NXN: variants seen among roughly 807,000 people sequenced by gnomAD.
NXN encodes the protein nucleoredoxin.
NXN carries 16 observed loss-of-function variants against 48.6 expected under a neutral mutation model. That is an observed-to-expected ratio of 0.33 (90% CI 0.22 to 0.50). The LOEUF is 0.50. NXN is among the 20% of genes least tolerant of loss of function. The pLI, the probability that NXN is intolerant of heterozygous loss-of-function variation, is 0.98. For synonymous variants in NXN, 281 were observed against 269.6 expected (o/e 1.04, Z -0.41); for missense variants, 492 against 605.5 (o/e 0.81, Z 1.97).
rs1285768484 is a variant in NXN, at chr17:978,297, C to G, written c.360+1022G>C. On this transcript the variant is annotated intron_variant, in intron 1 of 7. Transcript: ENST00000336868. This position sits in a 1 kb window ranked among gnomAD's most constrained non-coding sequence, Gnocchi z 4.1. ...AGCGCTCCAAAACTTTTTCTGACTCCATTCATTACAAAATGTCCTGGATGT... is the reference window on the plus strand; with the variant it reads ...AGCGCTCCAAAACTTTTTCTGACTCGATTCATTACAAAATGTCCTGGATGT... 2.0e-5 allele frequency: 3 copies of G among 152,350 alleles called. No homozygotes were observed. Among genetic ancestry groups the G allele is most frequent in the African/African-American group, 7.2e-5 (3 of 41,576 alleles). 9.4% of individuals were successfully genotyped at this position (152,350 alleles called of 1,614,324 possible). A position where few individuals can be genotyped will look rare whatever the true frequency, so the allele number is the denominator to read the frequency against.
chr17:934,337 T>C (rs553272650), intron 1 of NXN, among the ~76,000 whole-genome samples: 48 of 151,242 alleles, frequency 3.2e-4, no homozygotes, highest in African/African-American at 9.9e-4. Context: ...TCCCAGCTAC[T>C]GGGGAGGCTG....
intron 7 of NXN, among the ~76,000 whole-genome samples, chr17:803,042 C>T (rs932946980): frequency 2.0e-5 from 3 of 152,168 alleles, no homozygotes; most frequent in Non-Finnish European, 4.4e-5. Context: ...GTCGCGGAGA[C>T]GCCCGTCTGC....
chr17:801,023 C>T lies in NXN; in HGVS notation c.1234G>A (p.Glu412Lys). The T allele has an allele frequency of 6.4e-7, 1 of 1,573,344 alleles. No individual in the cohort carries two copies. The highest frequency in any genetic ancestry group is 8.6e-7 in the Non-Finnish European group (1 of 1,158,392). Residue 412 changes from glutamate (E) to lysine (K), a missense_variant, in exon 8 of 8, where the codon GAG becomes AAG. Glu to Lys is a moderately conservative substitution (Grantham distance 56, BLOSUM62 1). Around this residue, in one of 3 missense-constraint regions of NXN, gnomAD observed 303 missense variants for 388.3 expected, o/e 0.78. Transcript: ENST00000336868. The part of the protein sequence containing the change: ...ARAKYVMDVE[E>K]ITPAIVEAFV... ...GCCTCCACGATGGCGGGGGTGATCT[C>T]CTCCACGTCCATCACGTACTTGGCC... is the stretch of plus-strand genomic sequence containing the variant.
At chr17:968,915 A>T (rs333638) in intron 1 of NXN, among the ~76,000 whole-genome samples, 2 of 151,712 alleles carry the variant, frequency 1.3e-5, no homozygotes, top group African/African-American at 4.9e-5. Context: ...CCAGCCTGGG[A>T]GACAGAGAGA....
chr17:947,924 G>A (rs752926667), intron 1 of NXN, among the ~76,000 whole-genome samples: 21 of 150,642 alleles, frequency 1.4e-4, no homozygotes, highest in Non-Finnish European at 2.4e-4. Flanking sequence ...GGCAGCGTGC[G>A]CCTGTACTCC....
chr17:968,321 C>T (rs1197357706), intron 1 of NXN, among the ~76,000 whole-genome samples: 2 of 152,216 alleles, frequency 1.3e-5, no homozygotes, highest in Non-Finnish European at 2.9e-5. Context: ...CCCCTGGCCT[C>T]TCCCAGCTCA....
intron 1 of NXN, among the ~76,000 whole-genome samples, chr17:934,782 G>A (rs2068891240): frequency 1.3e-5 from 2 of 151,982 alleles, no homozygotes; most frequent in Admixed American, 1.3e-4. Flanking sequence ...GCTGAGGCAG[G>A]AGAATCGCTT....
intron 5 of NXN, among the ~76,000 whole-genome samples, chr17:815,926 T>C (rs1344808670): frequency 6.6e-6 from 1 of 152,016 alleles, no homozygotes; most frequent in Non-Finnish European, 1.5e-5. Context: ...CCGGCGGGCC[T>C]TTGTTAGGGG....
intron 1 of NXN, among the ~76,000 whole-genome samples, chr17:893,565 TCC>T (rs1567852097): frequency 2.1e-4 from 29 of 139,310 alleles, no homozygotes; most frequent in Non-Finnish European, 4.1e-4. Context: ...CATCTCAACC[TCC>T]GGAAGCCAGA....
At chr17:864,187 C>T (rs2068074288) in intron 1 of NXN, 8 of 1,334,888 alleles carry the variant, frequency 6.0e-6, no homozygotes, top group South Asian at 2.5e-5. Context: ...TGCCGTTGCT[C>T]GGTTCCGGTG....
At chr17:945,612 G>A (rs1370479095) in intron 1 of NXN, among the ~76,000 whole-genome samples, 3 of 138,452 alleles carry the variant, frequency 2.2e-5, no homozygotes, top group Non-Finnish European at 4.5e-5. Flanking sequence ...GCCTGGGCGA[G>A]AGAGTGACTC....
intron 1 of NXN, among the ~76,000 whole-genome samples, chr17:853,724 T>TATATA (rs61572573): frequency 0.015 from 1,040 of 69,924 alleles, 11 homozygotes; most frequent in African/African-American, 0.067. Flanking sequence ...TATATATATA[T>TATATA]TTTTTTTTTT....
At chr17:964,279 T>C (rs2069275823) in intron 1 of NXN, among the ~76,000 whole-genome samples, 1 of 152,126 alleles carries the variant, frequency 6.6e-6, no homozygotes, top group African/African-American at 2.4e-5. Context: ...CGTGTTTTGT[T>C]GTAAGGATCT....
At chr17:832,145 C>T (rs1442116040) in intron 1 of NXN, among the ~76,000 whole-genome samples, 1 of 151,174 alleles carries the variant, frequency 6.6e-6, no homozygotes, top group Non-Finnish European at 1.5e-5. Flanking sequence ...TATTACCCTT[C>T]AAACGTAAGC....
At chr17:926,333 T>C (rs1456143950) in intron 1 of NXN, among the ~76,000 whole-genome samples, 1 of 152,146 alleles carries the variant, frequency 6.6e-6, no homozygotes, top group East Asian at 1.9e-4. Flanking sequence ...ACTACAGGCA[T>C]GCACCACTAC....
At chr17:973,773 G>A (rs962620962) in intron 1 of NXN, among the ~76,000 whole-genome samples, 6 of 151,758 alleles carry the variant, frequency 4.0e-5, no homozygotes, top group East Asian at 2.0e-4. Context: ...TCCACCTCTC[G>A]GGTTCAAGCG....
chr17:820,611 CAAAAAA>C (rs750581539), intron 4 of NXN, among the ~76,000 whole-genome samples: 1 of 14,726 alleles, frequency 6.8e-5, no homozygotes, highest in Non-Finnish European at 1.1e-4. Context: ...GACTCTGTCT[CAAAAAA>C]AAAAAAAAAA....
intron 5 of NXN, among the ~76,000 whole-genome samples, chr17:813,358 C>A (rs1206754049): frequency 6.6e-6 from 1 of 152,216 alleles, no homozygotes; most frequent in Non-Finnish European, 1.5e-5. Flanking sequence ...AAACCAGGGA[C>A]TGAGTGAGAC....
chr17:885,424 C>T (rs1455365088), intron 1 of NXN, among the ~76,000 whole-genome samples: 28 of 150,912 alleles, frequency 1.9e-4, no homozygotes, highest in African/African-American at 6.4e-4. Flanking sequence ...TTGCAGTGAG[C>T]GGAGATCGCA....
Sources: gnomAD v4.1 joint callset for allele counts (sites outside exome capture counted in the v4.1 genomes callset) on GRCh38, gnomAD v4.1.1 for gene constraint, gnomAD v4.1.1 regional missense constraint, Gnocchi (gnomAD v3.1) non-coding constraint, MANE v1.5 for transcripts, NCBI Gene and HGNC (gene_info 2026-07-23, HGNC 2026-07-21) for gene names.